PCDHGA6: variants seen among roughly 807,000 people sequenced by gnomAD.
PCDHGA6 encodes protocadherin gamma subfamily A, 6.
PCDHGA6 carries 41 observed loss-of-function variants against 60.6 expected under a neutral mutation model. That is an observed-to-expected ratio of 0.68 (90% CI 0.53 to 0.88). The LOEUF is 0.88. Ranked by LOEUF, PCDHGA6 falls within the 40% of genes least tolerant of loss-of-function variation. PCDHGA6 has a pLI of 0.00. For synonymous variants in PCDHGA6, 594 were observed against 524.4 expected, an observed-to-expected ratio of 1.13 and a Z score of -1.81; for missense variants, 1,312 against 1,203.0, an observed-to-expected ratio of 1.09 and a Z score of -1.34.
rs752744809 is a variant in PCDHGA6, at chr5:141,393,680, T to C, written c.2424+17173T>C. On this transcript the variant is annotated intron_variant, in intron 1 of 3. Coordinates refer to ENST00000517434, the MANE Select transcript of PCDHGA6 (RefSeq NM_018919.3). The stretch of plus-strand genomic sequence containing the variant: ...TCCGGAAAATTAATGAAAAACAAAC[T>C]CCGTTATTCCAGCTTAATGAAAATA... 8 of 1,613,764 alleles carry C rather than the reference T, an allele frequency of 5.0e-6. No individual in the cohort carries two copies. The East Asian group carries it at 1.1e-4, about 22-fold the overall frequency.
At chr5:141,488,389 A>G (rs1322717951) in intron 1 of PCDHGA6, among the ~76,000 whole-genome samples, 1 of 152,224 alleles carries the variant, frequency 6.6e-6, no homozygotes, top group East Asian at 1.9e-4. Context: ...GAATTTGGTG[A>G]AACCATGAAA....
chr5:141,389,019 G>T, intron 1 of PCDHGA6: 3 of 1,614,000 alleles, frequency 1.9e-6, no homozygotes, highest in South Asian at 1.1e-5. Context: ...ACACAATGGA[G>T]AAGTGACTTG....
chr5:141,450,893 C>T (rs1306212499), intron 1 of PCDHGA6, among the ~76,000 whole-genome samples: 3 of 149,144 alleles, frequency 2.0e-5, no homozygotes, highest in East Asian at 2.0e-4. Flanking sequence ...GGTGCGATAT[C>T]GGCTCACTGC....
chr5:141,385,108 A>G, intron 1 of PCDHGA6: 3 of 1,614,126 alleles, frequency 1.9e-6, no homozygotes. Context: ...GAACGTGCCC[A>G]CCTCGCACTT....
chr5:141,384,523 C>T, intron 1 of PCDHGA6: 3 of 1,614,256 alleles, frequency 1.9e-6, no homozygotes, highest in South Asian at 1.1e-5. Context: ...GGACCCGCCT[C>T]TCAGCAGCAA....
At chr5:141,472,980 C>CAAAAAA (rs60579131) in intron 1 of PCDHGA6, among the ~76,000 whole-genome samples, 7 of 86,100 alleles carry the variant, frequency 8.1e-5, no homozygotes, top group South Asian at 4.3e-4. Context: ...GAGTGAAACT[C>CAAAAAA]AAAAAAAAAA....
Position 141,491,739 on chromosome 5 carries a change from C to A in PCDHGA6, c.2425-3068C>A, listed in dbSNP as rs372183034. ...CGCCGCCCCGGGCGACCCCTGGGGG[C>A]GGCACTGGAGAAGCCGCCCGTCCTC... On this transcript the variant is annotated intron_variant, in intron 1 of 3. Transcript: ENST00000517434. The surrounding 1 kb of genome is among the most constrained non-coding windows in gnomAD (Gnocchi z 6.9). 2 of 1,598,886 alleles carry A rather than the reference C, an allele frequency of 1.3e-6. No individual in the cohort carries two copies. The highest frequency in any genetic ancestry group is 1.3e-5 in the African/African-American group (1 of 74,290).
intron 1 of PCDHGA6, among the ~76,000 whole-genome samples, chr5:141,459,376 G>A (rs72790056): frequency 0.022 from 3,347 of 152,266 alleles, 53 homozygotes; most frequent in South Asian, 0.04. Flanking sequence ...TATCAGCAGC[G>A]TGTTCCATTT....
At chr5:141,418,136 G>C (rs1218707482) in intron 1 of PCDHGA6, 15 of 1,613,984 alleles carry the variant, frequency 9.3e-6, no homozygotes, top group Non-Finnish European at 1.1e-5. Flanking sequence ...AATAGACCGT[G>C]AGCAAATATG....
At chr5:141,430,827 T>A in intron 1 of PCDHGA6, 1 of 1,551,000 alleles carries the variant, frequency 6.4e-7, no homozygotes, top group South Asian at 1.3e-5. Flanking sequence ...CTGGGGACTC[T>A]GTGGGAGACC....
rs1485520054 is a variant in PCDHGA6 at position 141,511,210 on chromosome 5, C to T, written c.*37C>T. 6.2e-7 allele frequency: 1 copy of T among 1,609,328 alleles called. No individual in the cohort carries two copies. The highest frequency in any genetic ancestry group is 1.3e-5 in the African/African-American group (1 of 74,896). ...GGCCAAGAGCCACAGGGCGGCCTCT[C>T]CCCAACCAGCCCAGCTTCTCCTTAC... On this transcript the variant is annotated 3_prime_UTR_variant, in exon 4 of 4. Transcript: ENST00000517434.
Position 141,487,315 on chromosome 5 carries a change from G to T in PCDHGA6, c.2425-7492G>T, listed in dbSNP as rs568326280. 11 of 1,614,166 alleles carry T rather than the reference G, an allele frequency of 6.8e-6. No individual in the cohort carries two copies. In the South Asian group the frequency reaches 1.2e-4, roughly 18 times the overall value. ...GCTCATTCGTGGCACTACTCTCTAA[G>T]TGTCTTCGTGGGGCAGCCTGTGGAG... On this transcript the variant is annotated intron_variant, in intron 1 of 3. Transcript: ENST00000517434. The surrounding 1 kb of genome is among the most constrained non-coding windows in gnomAD (Gnocchi z 5.0).
At chr5:141,445,471 T>A (rs533909401) in intron 1 of PCDHGA6, among the ~76,000 whole-genome samples, 17 of 152,204 alleles carry the variant, frequency 1.1e-4, no homozygotes, top group Non-Finnish European at 2.4e-4. Context: ...AAGGCATATA[T>A]GATTCCTGAG....
chr5:141,487,033 A>T lies in PCDHGA6; in HGVS notation c.2425-7774A>T, dbSNP rs1465525110. ...AGGCCCCAGATCCCAGCCTGTTTGC[A>T]GTCTCTCGATATGCTGGGGAGGTGC... On this transcript the variant is annotated intron_variant, in intron 1 of 3. Coordinates refer to ENST00000517434, the MANE Select transcript of PCDHGA6 (RefSeq NM_018919.3). This position sits in a 1 kb window ranked among gnomAD's most constrained non-coding sequence, Gnocchi z 5.0. The T allele has an allele frequency of 6.2e-7, 1 of 1,614,042 alleles. No homozygotes were observed. The highest frequency in any genetic ancestry group is 8.5e-7 in the Non-Finnish European group (1 of 1,180,040).
At chr5:141,440,838 C>A (rs2098204954) in intron 1 of PCDHGA6, 1 of 152,102 alleles carries the variant, frequency 6.6e-6, no homozygotes, top group African/African-American at 2.4e-5. Context: ...TTGGTTGAAG[C>A]CAATGACAAC....
chr5:141,413,139 C>A, intron 1 of PCDHGA6: 1 of 1,553,028 alleles, frequency 6.4e-7, no homozygotes. Context: ...ACAACGTGTC[C>A]AGTGAGGACT....
In PCDHGA6 at chr5:141,491,721, C is replaced by T. The variant is rs761584159; in HGVS notation, c.2425-3086C>T. On this transcript the variant is annotated intron_variant, in intron 1 of 3. Transcript: ENST00000517434. The surrounding 1 kb of genome is among the most constrained non-coding windows in gnomAD (Gnocchi z 6.9). The stretch of plus-strand genomic sequence containing the variant: ...GCCAGGTGAGGGGCTCGGCGCCGCC[C>T]CGGGCGACCCCTGGGGGCGGCACTG... 3 of 1,607,250 alleles carry T rather than the reference C, an allele frequency of 1.9e-6. No homozygotes were observed. Among genetic ancestry groups the T allele is most frequent in the Admixed American group, 1.7e-5 (1 of 58,860 alleles).
chr5:141,422,913 G>T, intron 1 of PCDHGA6: 1 of 1,614,248 alleles, frequency 6.2e-7, no homozygotes, highest in Non-Finnish European at 8.5e-7. Context: ...ATGCGCCCGA[G>T]ATCCTGTACC....
intron 1 of PCDHGA6, chr5:141,404,338 G>A (rs752211796): frequency 1.9e-5 from 30 of 1,613,686 alleles, no homozygotes; most frequent in Non-Finnish European, 2.4e-5. Flanking sequence ...TCTACCTCCC[G>A]GAAAACAACG....
Sources: allele counts gnomAD v4.1 joint callset (sites outside exome capture counted in the v4.1 genomes callset), GRCh38; gene constraint gnomAD v4.1.1; non-coding constraint Gnocchi (gnomAD v3.1); transcripts MANE v1.5; gene names NCBI Gene and HGNC (gene_info 2026-07-23, HGNC 2026-07-21).